Variants in MAGI2 observed in about 807,000 individuals in gnomAD.
MAGI2 encodes the protein membrane-associated guanylate kinase, WW and PDZ domain-containing protein 2.
MAGI2 carries 35 observed loss-of-function variants against 133.3 expected under a neutral mutation model. That is an observed-to-expected ratio of 0.26 (90% CI 0.20 to 0.35). The LOEUF (loss-of-function observed/expected upper bound fraction) is 0.35, where lower values mean the gene tolerates loss of function less well. MAGI2 is among the 10% of genes least tolerant of loss of function. The pLI is 1.00. For synonymous variants in MAGI2, 729 were observed against 710.6 expected (o/e 1.03, Z -0.41); for missense variants, 1,636 against 1,863.4 (o/e 0.88, Z 2.25).
At chr7:79,156,388 T>C (rs1823780637) in intron 1 of MAGI2, among the ~76,000 whole-genome samples, 1 of 152,076 alleles carries the variant, frequency 6.6e-6, no homozygotes, top group African/African-American at 2.4e-5. Context: ...CCTGAACAGA[T>C]TATCTGAAAA....
chr7:78,580,281 A>T (rs1020860778), intron 3 of MAGI2, among the ~76,000 whole-genome samples: 3 of 152,230 alleles, frequency 2.0e-5, no homozygotes, highest in Admixed American at 2.0e-4. Context: ...CATTTAAGAG[A>T]GGAATATCAA....
intron 6 of MAGI2, among the ~76,000 whole-genome samples, chr7:78,411,761 A>C (rs1193699768): frequency 6.6e-6 from 1 of 152,014 alleles, no homozygotes; most frequent in South Asian, 2.1e-4. Flanking sequence ...CTTGGGATGG[A>C]AATAGTTCTT....
intron 2 of MAGI2, among the ~76,000 whole-genome samples, chr7:78,788,260 A>G (rs939529002): frequency 6.6e-6 from 1 of 152,230 alleles, no homozygotes; most frequent in African/African-American, 2.4e-5. Context: ...TCTTTTTTAT[A>G]TACTGAAAAA....
chr7:79,448,163 A>G (rs1049178015), intron 1 of MAGI2, among the ~76,000 whole-genome samples: 6 of 152,056 alleles, frequency 3.9e-5, no homozygotes, highest in Non-Finnish European at 8.8e-5. Context: ...TAAAATAAAT[A>G]TAAAATAGCA....
In MAGI2 at chr7:78,019,353, T is replaced by C. The variant is rs1808052795; in HGVS notation, c.4330A>G (p.Ser1444Gly). Reference protein sequence around the residue: ...WKVPGSDKLPSVLKPGASAAS... With the variant: ...WKVPGSDKLPGVLKPGASAAS... The stretch of plus-strand genomic sequence containing the variant: ...GCCGAGGCGCCGGGTTTGAGGACGC[T>C]GGGCAGCTTGTCAGAACCCGGCACC... Residue 1444 changes from serine (S) to glycine (G), a missense_variant, in exon 22 of 22, where the codon AGC becomes GGC. This residue lies in a region of MAGI2 where 354 missense variants were observed against 298.7 expected (regional missense o/e 1.19). Transcript: ENST00000354212. 2.0e-6 allele frequency: 3 copies of C among 1,509,878 alleles called. No homozygotes were observed. The East Asian group carries it at 8.0e-5, about 40-fold the overall frequency. The allele number at this position is 1,509,878 out of a possible 1,614,324, so 93.5% of individuals were successfully genotyped here.
intron 1 of MAGI2, among the ~76,000 whole-genome samples, chr7:79,186,191 AATAT>A (rs60719172): frequency 1.6e-3 from 183 of 111,656 alleles, no homozygotes; most frequent in African/African-American, 3.1e-3. Flanking sequence ...TGCCTGGGAA[AATAT>A]ATATATATAT....
At chr7:78,659,108 C>T (rs1377719032) in intron 2 of MAGI2, among the ~76,000 whole-genome samples, 1 of 152,044 alleles carries the variant, frequency 6.6e-6, no homozygotes, top group Non-Finnish European at 1.5e-5. Context: ...TATGGTACAA[C>T]CATACCATGA....
chr7:78,321,193 C>A (rs527527640), intron 9 of MAGI2, among the ~76,000 whole-genome samples: 206 of 152,248 alleles, frequency 1.4e-3, no homozygotes, highest in African/African-American at 4.8e-3. Context: ...GGCCACACTG[C>A]CCAAAGTAAT....
At chr7:78,020,051 G>A (rs2151032880) in intron 21 of MAGI2, 75 bp from the exon 22 acceptor site, 1 of 1,343,910 alleles carries the variant, frequency 7.4e-7, no homozygotes, top group South Asian at 1.4e-5. Context: ...CCGGGGACAG[G>A]GGCAGGCAGC....
chr7:79,214,407 CTATATATATATATATATATATA>C (rs1196193501), intron 1 of MAGI2, among the ~76,000 whole-genome samples: 2 of 17,710 alleles, frequency 1.1e-4, no homozygotes, highest in East Asian at 3.6e-3. Flanking sequence ...CTCTCTCTCT[CTATATATATATATATATATATA>C]TATATATATA....
intron 2 of MAGI2, among the ~76,000 whole-genome samples, chr7:78,881,242 G>A (rs546811453): frequency 5.8e-4 from 88 of 151,936 alleles, no homozygotes; most frequent in African/African-American, 1.7e-3. Flanking sequence ...TCTATAGACC[G>A]CACCACCAAT....
rs1228387764 is a variant in MAGI2 at position 79,379,964 on chromosome 7, A to T, written c.301+73056T>A. Among the ~76,000 whole-genome samples the T allele has an allele frequency of 4.6e-5, 7 of 151,458 alleles. No homozygotes were observed. In the East Asian group the frequency reaches 1.4e-3, roughly 29 times the overall value. ...GCCATATGTAGAAAGCTGAAACTGG[A>T]TCCCTTCCTTACATCTTACACAAAA... On this transcript the variant is annotated intron_variant, in intron 1 of 21. Transcript: ENST00000354212.
At chr7:78,135,371 A>C (rs1314009925) in intron 16 of MAGI2, among the ~76,000 whole-genome samples, 165 bp from the exon 17 acceptor site, 2 of 152,242 alleles carry the variant, frequency 1.3e-5, no homozygotes, top group East Asian at 1.9e-4. Context: ...TGTGCATACT[A>C]CTGAGACCAA....
chr7:78,766,548 C>G (rs1825045140), intron 2 of MAGI2, among the ~76,000 whole-genome samples: 1 of 152,144 alleles, frequency 6.6e-6, no homozygotes, highest in South Asian at 2.1e-4. Context: ...AACTGGCTGG[C>G]AATGAGCCTC....
At chr7:78,166,645 A>G (rs1281453675) in intron 15 of MAGI2, among the ~76,000 whole-genome samples, 1 of 152,150 alleles carries the variant, frequency 6.6e-6, no homozygotes, top group Non-Finnish European at 1.5e-5. Flanking sequence ...ACTTAGAAAG[A>G]AAAGGATTTT....
chr7:78,812,688 T>G (rs968687158), intron 2 of MAGI2, among the ~76,000 whole-genome samples: 1 of 152,248 alleles, frequency 6.6e-6, no homozygotes, highest in East Asian at 1.9e-4. Context: ...GCTTTCAATA[T>G]AGTGATTGTT....
chr7:79,038,165 C>A (rs1417396756), intron 1 of MAGI2, among the ~76,000 whole-genome samples: 1 of 152,140 alleles, frequency 6.6e-6, no homozygotes, highest in Non-Finnish European at 1.5e-5. Flanking sequence ...TCTTCATTAG[C>A]TGGCATATTT....
intron 2 of MAGI2, among the ~76,000 whole-genome samples, chr7:78,784,345 C>T (rs1826637599): frequency 6.6e-6 from 1 of 152,110 alleles, no homozygotes; most frequent in Admixed American, 6.6e-5. Context: ...CTGACCTTCT[C>T]TTCCCCTCCT....
At chr7:79,391,734 G>A (rs567494874) in intron 1 of MAGI2, among the ~76,000 whole-genome samples, 24 of 151,802 alleles carry the variant, frequency 1.6e-4, no homozygotes, top group Non-Finnish European at 3.1e-4. Context: ...CTGTCACCCA[G>A]GCTGGAGTGG....
Sources: allele counts gnomAD v4.1 joint callset (sites outside exome capture counted in the v4.1 genomes callset), GRCh38; gene constraint gnomAD v4.1.1; regional missense constraint gnomAD v4.1.1; transcripts MANE v1.5; gene names NCBI Gene and HGNC (gene_info 2026-07-23, HGNC 2026-07-21).